FRMD4A: variants seen among roughly 807,000 people sequenced by gnomAD.
FRMD4A encodes FERM domain-containing protein 4A.
A neutral mutation model predicts 129.1 loss-of-function variants in FRMD4A; 29 were observed. The observed-to-expected ratio is 0.22, with a 90% CI of 0.17 to 0.31. FRMD4A has a LOEUF of 0.31. FRMD4A is among the 10% of genes least tolerant of loss of function. The pLI, the probability that FRMD4A is intolerant of heterozygous loss-of-function variation, is 1.00. For missense variants in FRMD4A, 1,272 were observed against 1,375.8 expected (o/e 0.92, Z 1.19); for synonymous variants, 634 against 571.6 (o/e 1.11, Z -1.56).
intron 2 of FRMD4A, among the ~76,000 whole-genome samples, chr10:14,324,467 A>C (rs1189508732): frequency 6.6e-6 from 1 of 152,234 alleles, no homozygotes; most frequent in East Asian, 1.9e-4. Context: ...CTTAGACCCA[A>C]ATATCTAGGA....
At chr10:14,280,030 G>A (rs780953440) in intron 2 of FRMD4A, among the ~76,000 whole-genome samples, 32 of 152,300 alleles carry the variant, frequency 2.1e-4, no homozygotes, top group South Asian at 1.9e-3. Context: ...ACTTTGCCAT[G>A]TTACAGGACG....
chr10:13,869,175 G>A (rs886078533), intron 2 of FRMD4A, among the ~76,000 whole-genome samples: 4 of 152,180 alleles, frequency 2.6e-5, no homozygotes, highest in Non-Finnish European at 5.9e-5. Flanking sequence ...CCTCCAGGCC[G>A]AGCAATGAAC....
At chr10:14,049,271 G>C (rs1022862628) in intron 2 of FRMD4A, among the ~76,000 whole-genome samples, 1 of 152,210 alleles carries the variant, frequency 6.6e-6, no homozygotes, top group Non-Finnish European at 1.5e-5. Flanking sequence ...CATATGCACA[G>C]TGGGGATTTG....
chr10:13,658,830 C>T (rs1176369827), intron 21 of FRMD4A, among the ~76,000 whole-genome samples: 1 of 141,998 alleles, frequency 7.0e-6, no homozygotes, highest in African/African-American at 2.7e-5. Flanking sequence ...TGCAGCGAGC[C>T]AAGATCGCGC....
chr10:13,852,117 C>G (rs2094147546), intron 3 of FRMD4A, among the ~76,000 whole-genome samples: 1 of 151,954 alleles, frequency 6.6e-6, no homozygotes, highest in Admixed American at 6.6e-5. Context: ...CCTCCCACAC[C>G]CCATCTGTGG....
chr10:14,194,381 C>T (rs1842409773), intron 2 of FRMD4A, among the ~76,000 whole-genome samples: 1 of 152,108 alleles, frequency 6.6e-6, no homozygotes, highest in African/African-American at 2.4e-5. Flanking sequence ...GAGGCCGAGG[C>T]GGGCGGATCA....
At position 14,295,679 on chromosome 10, in the gene FRMD4A, T is replaced by C. The variant is rs72780817; in HGVS notation, c.45+34379A>G. On this transcript the variant is annotated intron_variant, in intron 2 of 24. Coordinates refer to ENST00000357447, the MANE Select transcript of FRMD4A (RefSeq NM_018027.5). Reference sequence around the variant, plus strand: ...GCTTACAAAATCCAGCTGCAGCACATGGGCTGTGGGTGGCTGGCTCTCCCT... The same window carrying C: ...GCTTACAAAATCCAGCTGCAGCACACGGGCTGTGGGTGGCTGGCTCTCCCT... 6.0e-3 allele frequency among the ~76,000 whole-genome samples: 911 copies of C among 152,172 alleles called. 22 individuals are homozygous for C. The East Asian group carries it at 0.064, about 11-fold the overall frequency.
intron 2 of FRMD4A, among the ~76,000 whole-genome samples, chr10:13,872,014 C>T (rs540178977): frequency 1.1e-4 from 17 of 152,360 alleles, no homozygotes; most frequent in Non-Finnish European, 2.1e-4. Flanking sequence ...GGCCTCCTTC[C>T]GTAATCTATA....
At chr10:14,069,168 G>A (rs764045693) in intron 2 of FRMD4A, among the ~76,000 whole-genome samples, 1 of 152,156 alleles carries the variant, frequency 6.6e-6, no homozygotes, top group Non-Finnish European at 1.5e-5. Flanking sequence ...GGCTAAGTCA[G>A]TGTTGGACTT....
chr10:14,000,896 C>T (rs188972090), intron 2 of FRMD4A, among the ~76,000 whole-genome samples: 2 of 152,060 alleles, frequency 1.3e-5, no homozygotes, highest in Admixed American at 6.6e-5. Flanking sequence ...GGTAACTATC[C>T]AGAGACTCTC....
intron 2 of FRMD4A, among the ~76,000 whole-genome samples, chr10:13,927,919 A>G (rs4748064): frequency 0.37 from 55,579 of 152,032 alleles, 11,045 homozygotes; most frequent in Non-Finnish European, 0.45. Context: ...TCAGAATTCA[A>G]CTGAATTGTA....
At chr10:14,199,132 G>C (rs972421306) in intron 2 of FRMD4A, among the ~76,000 whole-genome samples, 11 of 151,902 alleles carry the variant, frequency 7.2e-5, no homozygotes, top group African/African-American at 2.7e-4. Context: ...TGGTTTTATA[G>C]TGTTACTGGT....
chr10:13,712,834 G>C (rs1404110186), intron 12 of FRMD4A, among the ~76,000 whole-genome samples: 1 of 152,206 alleles, frequency 6.6e-6, no homozygotes, highest in African/African-American at 2.4e-5. Context: ...GAATGCAACA[G>C]GGTCCACTCT....
chr10:14,006,177 A>C (rs1285510498), intron 2 of FRMD4A, among the ~76,000 whole-genome samples: 2 of 152,176 alleles, frequency 1.3e-5, no homozygotes, highest in Admixed American at 1.3e-4. Context: ...CATACATTTC[A>C]ATTAGTTCCA....
chr10:13,763,772 G>A (rs574832761), intron 6 of FRMD4A, among the ~76,000 whole-genome samples: 1 of 151,964 alleles, frequency 6.6e-6, no homozygotes, highest in Non-Finnish European at 1.5e-5. Context: ...GTCTTGCTGT[G>A]TCACCCAAGC....
chr10:14,080,734 A>T (rs1229820355), intron 2 of FRMD4A, among the ~76,000 whole-genome samples: 1 of 151,950 alleles, frequency 6.6e-6, no homozygotes, highest in Admixed American at 6.6e-5. Flanking sequence ...GGTCAGCAAA[A>T]GGATGCATTG....
intron 3 of FRMD4A, among the ~76,000 whole-genome samples, chr10:13,811,574 A>G (rs1247116923): frequency 6.8e-6 from 1 of 147,260 alleles, no homozygotes; most frequent in African/African-American, 2.5e-5. Flanking sequence ...TCTGCCTCAA[A>G]AAAAAAAAAA....
chr10:13,898,789 G>A (rs901068108), intron 2 of FRMD4A, among the ~76,000 whole-genome samples: 2 of 152,206 alleles, frequency 1.3e-5, no homozygotes, highest in Non-Finnish European at 2.9e-5. Flanking sequence ...GCTGGGTTGT[G>A]TAATCCTGTC....
chr10:14,293,029 A>G lies in FRMD4A; in HGVS notation c.45+37029T>C, dbSNP rs566886604. Among the ~76,000 whole-genome samples the G allele has an allele frequency of 4.9e-4, 35 of 70,828 alleles. 1 individual carries two copies. Among genetic ancestry groups the G allele is most frequent in the Non-Finnish European group, 3.1e-4 (9 of 29,488 alleles). 46.5% of individuals were successfully genotyped at this position (70,828 alleles called of 152,430 possible). On this transcript the variant is annotated intron_variant, in intron 2 of 24. Transcript: ENST00000357447. ...CAAAGGATAAGTATCATGAACACAT[A>G]ACTGATAAAAATTAAGAAAAAGACA...
Sources: gnomAD v4.1 joint callset for allele counts (sites outside exome capture counted in the v4.1 genomes callset) on GRCh38, gnomAD v4.1.1 for gene constraint, MANE v1.5 for transcripts, NCBI Gene and HGNC (gene_info 2026-07-23, HGNC 2026-07-21) for gene names.